FAM53A: variants seen among roughly 807,000 people sequenced by gnomAD.
The protein encoded by FAM53A is family with sequence similarity 53 member A.
Under a neutral mutation model 26.6 loss-of-function variants are expected in FAM53A, and 28 were observed. The observed-to-expected ratio is 1.05, with a 90% CI of 0.78 to 1.45. FAM53A has a LOEUF of 1.45. Ranked by LOEUF, FAM53A falls within the 40% of genes most tolerant of loss-of-function variation. The pLI is 0.00. For synonymous variants in FAM53A, 290 were observed against 253.1 expected, an observed-to-expected ratio of 1.15 and a Z score of -1.38; for missense variants, 650 against 575.8, an observed-to-expected ratio of 1.13 and a Z score of -1.32.
chr4:1,626,353 A>G (rs1435195127), intron 1 of FAM53A, among the ~76,000 whole-genome samples: 1 of 152,240 alleles, frequency 6.6e-6, no homozygotes, highest in East Asian at 1.9e-4. Context: ...AAGCTGACCC[A>G]GACAGCAGAG....
chr4:1,671,095 C>A (rs1714612108), intron 1 of FAM53A, among the ~76,000 whole-genome samples: 1 of 146,264 alleles, frequency 6.8e-6, no homozygotes, highest in African/African-American at 2.6e-5. Context: ...CCCGGACTCA[C>A]CTCTGTCCCA....
At position 1,644,104 on chromosome 4, in the gene FAM53A, G is replaced by A. The variant is rs1206759037; in HGVS notation, c.883-2497C>T. ...CGTGACCTTGCAGACTCTGGCTGCC[G>A]TGCTGCCCACACAGGATGGCCTCCA... On this transcript the variant is annotated intron_variant, in intron 4 of 4. Coordinates refer to ENST00000308132, the MANE Select transcript of FAM53A (RefSeq NM_001174070.3). 3.3e-5 allele frequency: 48 copies of A among 1,475,446 alleles called. 1 individual carries two copies. Among genetic ancestry groups the A allele is most frequent in the South Asian group, 2.8e-4 (21 of 75,818 alleles). 91.4% of individuals were successfully genotyped at this position (1,475,446 alleles called of 1,614,324 possible).
rs761063994 is a variant in FAM53A, at chr4:1,655,586, G to T, written c.274C>A (p.Arg92Ser). ...GCTGCACCCAGGCCTGCGCCTGGGC[G>T]CGGGGACTGTGGCTGCCACTGAAGA... ...MGLQWQPQSP[R>S]PGAGLGAAST... Residue 92 changes from arginine to serine, a missense_variant, in exon 4 of 5, where the codon CGC (arginine) becomes AGC (serine). Coordinates refer to ENST00000308132, the MANE Select transcript of FAM53A (RefSeq NM_001174070.3). The T allele has an allele frequency of 6.3e-7, 1 of 1,585,674 alleles. No homozygotes were observed. Among genetic ancestry groups the T allele is most frequent in the Admixed American group, 1.8e-5 (1 of 56,580 alleles).
intron 3 of FAM53A, 109 bp from the exon 4 acceptor site, chr4:1,655,832 C>T (rs763809036): frequency 1.0e-5 from 13 of 1,292,350 alleles, no homozygotes; most frequent in East Asian, 2.9e-5. Context: ...ACAACCCCAT[C>T]GCCGCCACCC....
chr4:1,618,728 G>A (rs1400155555), intron 1 of FAM53A, among the ~76,000 whole-genome samples: 1 of 152,184 alleles, frequency 6.6e-6, no homozygotes, highest in Admixed American at 6.5e-5. Flanking sequence ...AACGTGGCTG[G>A]AGGGATGGGA....
intron 4 of FAM53A, among the ~76,000 whole-genome samples, chr4:1,649,960 G>GTTTGACTGTGAGGTGGCACAGGCGTGGCA (rs1712612434): frequency 9.2e-6 from 1 of 108,808 alleles, no homozygotes; most frequent in Non-Finnish European, 1.9e-5. Flanking sequence ...CAGGCGTGGC[G>GTTTGACTGTGAGGTGGCACAGGCGTGGCA]TTTGACTGTG....
At chr4:1,626,563 C>T (rs1312485349) in intron 1 of FAM53A, among the ~76,000 whole-genome samples, 1 of 149,620 alleles carries the variant, frequency 6.7e-6, no homozygotes, top group African/African-American at 2.5e-5. Flanking sequence ...CCGGGGGGAC[C>T]CGGGGAGGAC....
At chr4:1,619,529 C>T (rs1456897808) in intron 1 of FAM53A, among the ~76,000 whole-genome samples, 4 of 152,246 alleles carry the variant, frequency 2.6e-5, no homozygotes, top group East Asian at 3.8e-4. Flanking sequence ...CACTTTCCTC[C>T]AAGCCGCATC....
rs752535440 is a variant in FAM53A, at chr4:1,655,626, G to T, written c.234C>A (p.Ala78=). ...GCCACTGAAGACCCATGGTGTGAGC[G>T]GCAGCAGACAGGCCCGGCAGGAAGG... is the stretch of plus-strand genomic sequence containing the variant. ...DFSFLPGLSA[A]AHTMGLQWQP... Residue 78 remains alanine, a synonymous_variant, in exon 4 of 5, where the codon GCC becomes GCA. Coordinates refer to ENST00000308132, the MANE Select transcript of FAM53A (RefSeq NM_001174070.3). 6 of 1,594,826 alleles carry T rather than the reference G, an allele frequency of 3.8e-6. No individual in the cohort carries two copies. Among genetic ancestry groups the T allele is most frequent in the Non-Finnish European group, 5.1e-6 (6 of 1,171,374 alleles).
the FAM53A span, among the ~76,000 whole-genome samples, chr4:1,576,075 G>A: frequency 1.1e-4 from 17 of 152,190 alleles, no homozygotes; most frequent in Admixed American, 5.2e-4. Flanking sequence ...GGGTTTGATC[G>A]GCCCGTGCAC....
the FAM53A span, among the ~76,000 whole-genome samples, chr4:1,607,042 G>A: frequency 6.6e-6 from 1 of 152,172 alleles, no homozygotes; most frequent in African/African-American, 2.4e-5. Flanking sequence ...CTTTTGAGAC[G>A]GAGTCTCACT....
the FAM53A span, among the ~76,000 whole-genome samples, chr4:1,607,954 A>C: frequency 6.9e-6 from 1 of 145,702 alleles, no homozygotes; most frequent in African/African-American, 2.6e-5. Flanking sequence ...AAAAAAAAAA[A>C]CACCAAAAGT....
At chr4:1,626,304 C>T (rs57824890) in intron 1 of FAM53A, among the ~76,000 whole-genome samples, 5 of 152,188 alleles carry the variant, frequency 3.3e-5, no homozygotes, top group African/African-American at 9.7e-5. Flanking sequence ...CGTCACGAGC[C>T]GTCCACGTGG....
chr4:1,601,381 G>A, the FAM53A span, among the ~76,000 whole-genome samples: 2 of 113,042 alleles, frequency 1.8e-5, no homozygotes, highest in African/African-American at 5.6e-5. Flanking sequence ...GGGCCCATCC[G>A]TCCACCGTTC....
chr4:1,616,578 CAT>C (rs147028052), downstream of FAM53A, among the ~76,000 whole-genome samples: 1,250 of 151,628 alleles, frequency 8.2e-3, 16 homozygotes, highest in African/African-American at 0.029. Flanking sequence ...TAGGAAAACA[CAT>C]GTTTAAAAGG....
At chr4:1,664,982 G>A (rs1013873863) in intron 2 of FAM53A, among the ~76,000 whole-genome samples, 6 of 150,540 alleles carry the variant, frequency 4.0e-5, no homozygotes, top group Non-Finnish European at 8.9e-5. Context: ...TTGTCTAAAA[G>A]ATAAAATAAA....
chr4:1,618,392 C>T (rs1714887284), intron 1 of FAM53A, among the ~76,000 whole-genome samples: 1 of 152,216 alleles, frequency 6.6e-6, no homozygotes, highest in African/African-American at 2.4e-5. Flanking sequence ...CTGTTGGGGC[C>T]TGACCACAGC....
chr4:1,575,430 G>A, the FAM53A span, among the ~76,000 whole-genome samples: 1 of 152,286 alleles, frequency 6.6e-6, no homozygotes, highest in East Asian at 1.9e-4. Flanking sequence ...CTTTGACAGG[G>A]GAGATGGCTG....
chr4:1,655,513 G>T lies in FAM53A; in HGVS notation c.347C>A (p.Pro116Gln). ...SESTGSSTAP[P>Q]TKRHCRSLSE... ...CAAGGACCGGCAATGCCGCTTGGTC[G>T]GTGGGGCCGTGGACGAGCCTGTGCT... The change falls in exon 4 of 5, where the codon CCG (proline) becomes CAG (glutamine). Residue 116 changes from proline (P) to glutamine (Q), a missense_variant. Transcript: ENST00000308132. 6.4e-7 allele frequency: 1 copy of T among 1,569,972 alleles called. No individual in the cohort carries two copies. The highest frequency in any genetic ancestry group is 8.6e-7 in the Non-Finnish European group (1 of 1,157,180).
Sources: allele counts gnomAD v4.1 joint callset (sites outside exome capture counted in the v4.1 genomes callset), GRCh38; gene constraint gnomAD v4.1.1; transcripts MANE v1.5; gene names NCBI Gene and HGNC (gene_info 2026-07-23, HGNC 2026-07-21).